The following CADM2 variants were observed in gnomAD, a reference collection of about 807,000 sequenced individuals.
CADM2 encodes cell adhesion molecule 2, also known as immunoglobulin superfamily member 4D.
A neutral mutation model predicts 49.8 loss-of-function variants in CADM2; 12 were observed. That is an observed-to-expected ratio of 0.24 (90% CI 0.15 to 0.39). The LOEUF (loss-of-function observed/expected upper bound fraction) is 0.39. CADM2 is among the 10% of genes least tolerant of loss of function. The probability of loss-of-function intolerance (pLI) is 1.00; values close to 1 mark genes in which losing one functional copy is unlikely to be tolerated. For missense variants in CADM2, 378 were observed against 492.3 expected (o/e 0.77, Z 2.20); for synonymous variants, 214 against 175.4 (o/e 1.22, Z -1.74).
At chr3:85,152,192 A>G (rs1229080939) in intron 1 of CADM2, among the ~76,000 whole-genome samples, 2 of 152,164 alleles carry the variant, frequency 1.3e-5, no homozygotes, top group Non-Finnish European at 2.9e-5. Flanking sequence ...CATATTTCAT[A>G]TAATTTAATA....
chr3:85,348,772 C>T (rs1398798935), intron 1 of CADM2, among the ~76,000 whole-genome samples: 2 of 152,050 alleles, frequency 1.3e-5, no homozygotes, highest in Non-Finnish European at 2.9e-5. Context: ...TTAATACAAT[C>T]TTAACACAAA....
At chr3:85,963,997 G>A (rs911732471) in intron 8 of CADM2, among the ~76,000 whole-genome samples, 29 of 151,832 alleles carry the variant, frequency 1.9e-4, no homozygotes, top group Non-Finnish European at 4.4e-5. Flanking sequence ...ATTATGCTGT[G>A]TTTAAAAGGG....
chr3:85,481,229 G>GAGATAT (rs143226764), intron 1 of CADM2, among the ~76,000 whole-genome samples: 11 of 144,958 alleles, frequency 7.6e-5, no homozygotes, highest in South Asian at 2.2e-4. Flanking sequence ...ATATATATTG[G>GAGATAT]ATATATATAT....
intron 1 of CADM2, among the ~76,000 whole-genome samples, chr3:85,697,027 A>T (rs961755024): frequency 5.3e-5 from 8 of 150,194 alleles, no homozygotes; most frequent in Non-Finnish European, 1.2e-4. Flanking sequence ...ACTAAACTTC[A>T]TAGAGCTTCA....
chr3:85,255,113 T>C (rs1172554805), intron 1 of CADM2, among the ~76,000 whole-genome samples: 1 of 152,110 alleles, frequency 6.6e-6, no homozygotes, highest in East Asian at 1.9e-4. Context: ...TTTTGAACTA[T>C]TCACTTTTAA....
chr3:85,485,767 A>C (rs2039391225), intron 1 of CADM2, among the ~76,000 whole-genome samples: 1 of 152,102 alleles, frequency 6.6e-6, no homozygotes, highest in Non-Finnish European at 1.5e-5. Flanking sequence ...TCATTATAAG[A>C]GGAAGAAATA....
chr3:85,823,367 G>A (rs562643428), intron 3 of CADM2, among the ~76,000 whole-genome samples: 2 of 152,200 alleles, frequency 1.3e-5, no homozygotes, highest in South Asian at 4.1e-4. Context: ...CTTGGTTTAT[G>A]GTCTATATGA....
At chr3:86,014,080 G>T in intron 8 of CADM2, 3 of 1,296,488 alleles carry the variant, frequency 2.3e-6, no homozygotes, top group South Asian at 1.5e-5. Flanking sequence ...GGTTAAGAAA[G>T]GGGTAAAGAA....
chr3:85,320,342 A>G (rs966665866), intron 1 of CADM2, among the ~76,000 whole-genome samples: 1 of 152,210 alleles, frequency 6.6e-6, no homozygotes. Context: ...TCTGTTTAGT[A>G]GAGCATAAAC....
At chr3:85,359,459 A>G (rs1460453168) in intron 1 of CADM2, among the ~76,000 whole-genome samples, 2 of 151,108 alleles carry the variant, frequency 1.3e-5, no homozygotes, top group African/African-American at 2.4e-5. Context: ...AGGTATGGCA[A>G]GTTGTGTCCT....
At chr3:85,127,586 C>T (rs2039078642) in intron 1 of CADM2, among the ~76,000 whole-genome samples, 1 of 152,160 alleles carries the variant, frequency 6.6e-6, no homozygotes, top group Non-Finnish European at 1.5e-5. Context: ...TTTATTTATA[C>T]TTCTACCTGG....
intron 5 of CADM2, among the ~76,000 whole-genome samples, chr3:85,901,466 G>A (rs1716107991): frequency 6.6e-6 from 1 of 152,028 alleles, no homozygotes; most frequent in Non-Finnish European, 1.5e-5. Flanking sequence ...TACTCTGTTT[G>A]CTGAAAGTAG....
intron 1 of CADM2, among the ~76,000 whole-genome samples, chr3:85,402,099 A>G (rs2035141707): frequency 6.6e-6 from 1 of 152,122 alleles, no homozygotes; most frequent in Non-Finnish European, 1.5e-5. Flanking sequence ...TATAAATATC[A>G]TGTTTTCATT....
chr3:85,978,961 CAA>C (rs1184723335), intron 8 of CADM2, among the ~76,000 whole-genome samples: 1 of 151,334 alleles, frequency 6.6e-6, no homozygotes, highest in Admixed American at 6.6e-5. Context: ...AACATTGCTC[CAA>C]GTCTTTGCTT....
chr3:85,336,039 C>T (rs868633758), intron 1 of CADM2, among the ~76,000 whole-genome samples: 16 of 151,560 alleles, frequency 1.1e-4, no homozygotes, highest in Middle Eastern at 3.4e-3. Context: ...TGTGAACCCC[C>T]TGCCCAAAAT....
chr3:85,568,397 C>CTCTT (rs71108298), intron 1 of CADM2, among the ~76,000 whole-genome samples: 3,931 of 51,888 alleles, frequency 0.076, 712 homozygotes, highest in Non-Finnish European at 0.094. Context: ...TCCTTCCTCC[C>CTCTT]TCTTTCTTTC....
chr3:85,746,493 C>A (rs889077639), intron 2 of CADM2, among the ~76,000 whole-genome samples: 3 of 152,152 alleles, frequency 2.0e-5, no homozygotes, highest in African/African-American at 7.2e-5. Context: ...CTAAATTCAA[C>A]AAAATGGTAT....
chr3:85,962,410 C>G (rs561611169), intron 8 of CADM2, among the ~76,000 whole-genome samples: 3 of 152,050 alleles, frequency 2.0e-5, no homozygotes, highest in East Asian at 2.0e-4. Flanking sequence ...TTAGCAATAA[C>G]TGCATCAATT....
At chr3:85,016,351 A>T (rs916241712) in intron 1 of CADM2, among the ~76,000 whole-genome samples, 2 of 152,238 alleles carry the variant, frequency 1.3e-5, no homozygotes, top group Admixed American at 1.3e-4. Context: ...AGCAATTGGG[A>T]TGACCAGAGA....
Sources: allele counts gnomAD v4.1 joint callset (sites outside exome capture counted in the v4.1 genomes callset), GRCh38; gene constraint gnomAD v4.1.1; transcripts MANE v1.5; gene names NCBI Gene and HGNC (gene_info 2026-07-23, HGNC 2026-07-21).